PPA2: variants seen among roughly 807,000 people sequenced by gnomAD.
PPA2 encodes the protein inorganic pyrophosphatase 2.
PPA2 carries 48 observed loss-of-function variants against 49.5 expected under a neutral mutation model. That is an observed-to-expected ratio of 0.97 (90% CI 0.77 to 1.23). The LOEUF (loss-of-function observed/expected upper bound fraction) is 1.23, where lower values mean the gene tolerates loss of function less well. PPA2 is among the 50% of genes most tolerant of loss of function. The probability of loss-of-function intolerance (pLI) is 0.00; values close to 1 mark genes in which losing one functional copy is unlikely to be tolerated. For synonymous variants in PPA2, 131 were observed against 139.9 expected (o/e 0.94, Z 0.45); for missense variants, 429 against 410.1 (o/e 1.05, Z -0.40).
At chr4:105,473,498 G>A (rs1293383331) in intron 1 of PPA2, 1 of 431,444 alleles carries the variant, frequency 2.3e-6, no homozygotes, top group Admixed American at 2.8e-5. Flanking sequence ...GCGTGTGGGC[G>A]GGCTCTGCCT....
intron 10 of PPA2, among the ~76,000 whole-genome samples, chr4:105,375,126 AAAG>A (rs1262305749): frequency 2.6e-5 from 4 of 152,108 alleles, no homozygotes; most frequent in Non-Finnish European, 5.9e-5. Context: ...AGTTATTCAT[AAAG>A]AAGACATAAA....
At chr4:105,465,204 C>T (rs1723252807) in intron 1 of PPA2, among the ~76,000 whole-genome samples, 1 of 152,130 alleles carries the variant, frequency 6.6e-6, no homozygotes, top group Non-Finnish European at 1.5e-5. Context: ...GTGTGAGAAG[C>T]GTTGTCTATG....
At position 105,425,725 on chromosome 4, in the gene PPA2, C is replaced by CACAT. The variant is rs200243822; in HGVS notation, c.529-1404_529-1403insATGT. 8.6e-3 allele frequency among the ~76,000 whole-genome samples: 826 copies of CACAT among 96,100 alleles called. 4 individuals are homozygous for CACAT. The highest frequency in any genetic ancestry group is 0.023 in the African/African-American group (367 of 16,104). The allele number at this position is 96,100 out of a possible 152,430, so 63.0% of individuals were successfully genotyped here. On this transcript the variant is annotated intron_variant, in intron 6 of 11. Transcript: ENST00000341695. Reference sequence around the variant, plus strand: ...GATTGAGAAAGGACACATGCACATACACACACACACACACACACACACACA... The same window carrying CACAT: ...GATTGAGAAAGGACACATGCACATACACATACACACACACACACACACACACACA...
chr4:105,388,833 AAAG>A (rs200260940), intron 9 of PPA2, among the ~76,000 whole-genome samples: 37,643 of 125,556 alleles, frequency 0.3, 6,471 homozygotes, highest in East Asian at 0.54. Context: ...TCCAAAAAAA[AAAG>A]AAAAAAAAAA....
In PPA2 at chr4:105,453,657, A is replaced by G. The variant is rs746716809; in HGVS notation, c.223-15T>C. On this transcript the variant is annotated splice_polypyrimidine_tract_variant and intron_variant, in intron 2 of 11. Transcript: ENST00000341695. ...ATGCCATTTTCCTATAAAAGAAAAG[A>G]TGGTGAAAGACTGCAATATTTCATG... is the stretch of plus-strand genomic sequence containing the variant. 2 of 1,598,590 alleles carry G rather than the reference A, an allele frequency of 1.3e-6. No homozygotes were observed. Among genetic ancestry groups the G allele is most frequent in the South Asian group, 1.1e-5 (1 of 88,634 alleles).
intron 10 of PPA2, among the ~76,000 whole-genome samples, chr4:105,372,547 T>C (rs983055504): frequency 2.6e-5 from 4 of 152,250 alleles, no homozygotes; most frequent in Non-Finnish European, 5.9e-5. Context: ...CCCTCCATAA[T>C]GTTGGTAGGC....
At position 105,425,434 on chromosome 4, in the gene PPA2, C is replaced by A. The variant is rs972472363; in HGVS notation, c.529-1112G>T. 3.9e-5 allele frequency among the ~76,000 whole-genome samples: 6 copies of A among 152,192 alleles called. No homozygotes were observed. In the South Asian group the frequency reaches 6.2e-4, roughly 16 times the overall value. On this transcript the variant is annotated intron_variant, in intron 6 of 11. Transcript: ENST00000341695. ...CATATATAATCTGAAAAGAAAAATT[C>A]TCTCAATGAGCTTAACAACAAAATA...
intron 6 of PPA2, 47 bp from the exon 7 acceptor site, chr4:105,424,369 T>G: frequency 6.7e-7 from 1 of 1,485,640 alleles, no homozygotes; most frequent in Non-Finnish European, 9.0e-7. Flanking sequence ...TTGGAGAGTT[T>G]ACTCACATAT....
At chr4:105,447,962 T>A in intron 4 of PPA2, 1 of 236,108 alleles carries the variant, frequency 4.2e-6, no homozygotes, top group South Asian at 4.4e-5. Context: ...GCCAGGCTGG[T>A]CTCAAACTCC....
chr4:105,437,507 C>T (rs777663794), intron 6 of PPA2, among the ~76,000 whole-genome samples: 24 of 152,090 alleles, frequency 1.6e-4, no homozygotes, highest in Non-Finnish European at 3.2e-4. Flanking sequence ...TATCAGATGA[C>T]TTTCATGAGA....
intron 10 of PPA2, among the ~76,000 whole-genome samples, chr4:105,379,656 CAG>C (rs1308824870): frequency 7.9e-6 from 1 of 125,932 alleles, no homozygotes; most frequent in Non-Finnish European, 1.6e-5. Flanking sequence ...TTTTTTGAGA[CAG>C]AGTCTCGTTC....
intron 10 of PPA2, among the ~76,000 whole-genome samples, chr4:105,375,345 C>T (rs776267210): frequency 1.2e-4 from 18 of 151,114 alleles, no homozygotes; most frequent in Non-Finnish European, 2.4e-4. Flanking sequence ...CTTCATAAAT[C>T]AGGGTCTGGT....
intron 10 of PPA2, among the ~76,000 whole-genome samples, chr4:105,385,975 G>GTT (rs1733664147): frequency 6.6e-6 from 1 of 150,932 alleles, no homozygotes; most frequent in African/African-American, 2.4e-5. Context: ...TGCCTCCCAG[G>GTT]TTCAAGTGAT....
At chr4:105,372,038 A>G (rs1490248841) in intron 10 of PPA2, among the ~76,000 whole-genome samples, 3 of 152,158 alleles carry the variant, frequency 2.0e-5, no homozygotes, top group Non-Finnish European at 4.4e-5. Flanking sequence ...CTGCAGAAGT[A>G]ACGGTGGGTA....
At chr4:105,420,160 TG>T (rs1444921479) in intron 7 of PPA2, among the ~76,000 whole-genome samples, 1 of 152,150 alleles carries the variant, frequency 6.6e-6, no homozygotes, top group African/African-American at 2.4e-5. Flanking sequence ...TTAGAAGAGA[TG>T]GGGTTTCTCT....
At chr4:105,384,032 G>T (rs139538591) in intron 10 of PPA2, among the ~76,000 whole-genome samples, 1,829 of 152,200 alleles carry the variant, frequency 0.012, 19 homozygotes, top group Non-Finnish European at 0.021. Context: ...GAAAGGAAAT[G>T]AGACAAAATA....
chr4:105,436,748 T>C (rs184449362), intron 6 of PPA2, among the ~76,000 whole-genome samples: 132 of 152,242 alleles, frequency 8.7e-4, no homozygotes, highest in Admixed American at 1.6e-3. Context: ...TAAATGGTAC[T>C]GGGAAAACTG....
intron 4 of PPA2, among the ~76,000 whole-genome samples, chr4:105,447,793 G>C (rs1250041410): frequency 2.0e-5 from 3 of 150,134 alleles, no homozygotes; most frequent in Non-Finnish European, 4.4e-5. Context: ...GAGTGCAGTG[G>C]TGTGATCTCA....
At chr4:105,416,752 A>G (rs1723029458) in intron 7 of PPA2, among the ~76,000 whole-genome samples, 1 of 152,200 alleles carries the variant, frequency 6.6e-6, no homozygotes, top group Non-Finnish European at 1.5e-5. Flanking sequence ...TGTTCTGCAT[A>G]TCTACGTTTA....
Sources: allele counts gnomAD v4.1 joint callset (sites outside exome capture counted in the v4.1 genomes callset), GRCh38; gene constraint gnomAD v4.1.1; transcripts MANE v1.5; gene names NCBI Gene and HGNC (gene_info 2026-07-23, HGNC 2026-07-21).